FAAH2: variants seen among roughly 807,000 people sequenced by gnomAD.
The protein encoded by FAAH2 is fatty acid amide hydrolase 2, also known as fatty-acid amide hydrolase 2.
In FAAH2, 60 loss-of-function variants were observed where a neutral mutation model predicts 36.9. The observed-to-expected ratio is 1.63, with a 90% confidence interval of 1.32 to 2.02. FAAH2 has a LOEUF of 2.02. FAAH2 is among the 30% of genes most tolerant of loss of function. The pLI, the probability that FAAH2 is intolerant of heterozygous loss-of-function variation, is 0.00. For missense variants in FAAH2, 689 were observed against 397.5 expected (o/e 1.73, Z -6.23); for synonymous variants, 214 against 143.8 (o/e 1.49, Z -3.49).
chrX:57,315,678 G>A (rs1188167566), intron 3 of FAAH2, among the ~76,000 whole-genome samples: 2 of 111,684 alleles, frequency 1.8e-5, no homozygotes, highest in Admixed American at 9.6e-5. Context: ...CTCAATAGAT[G>A]CAGAAAAATA....
intron 1 of FAAH2, among the ~76,000 whole-genome samples, chrX:57,288,223 G>T (rs756776937): frequency 1.8e-5 from 2 of 109,863 alleles, no homozygotes; most frequent in African/African-American, 6.6e-5. Flanking sequence ...CAAGAACCTG[G>T]CACATAGAAG....
At chrX:57,248,753 C>G in the FAAH2 span, among the ~76,000 whole-genome samples, 5 of 14,498 alleles carry the variant, frequency 3.4e-4, no homozygotes, top group Non-Finnish European at 5.0e-4. Context: ...AGCTCCGTCT[C>G]AAAAAAAAAA....
the FAAH2 span, among the ~76,000 whole-genome samples, chrX:57,238,941 T>A: frequency 1.8e-5 from 2 of 112,337 alleles, no homozygotes; most frequent in Admixed American, 9.4e-5. Flanking sequence ...TCCAGTTGTA[T>A]CCATTTCACT....
At position 57,331,718 on chromosome X, in the gene FAAH2, A is replaced by T. The variant is rs759597487; in HGVS notation, c.533A>T (p.Glu178Val). The change falls in exon 4 of 11, where the codon GAG (glutamate) becomes GTG (valine). Residue 178 changes from glutamate (E) to valine (V), a missense_variant. Glu to Val is a moderately radical substitution (Grantham distance 121). Coordinates refer to ENST00000374900, the MANE Select transcript of FAAH2 (RefSeq NM_174912.4). ...AIPLGITNCSELCMWYESSNK... is the reference protein window; with the variant it reads ...AIPLGITNCSVLCMWYESSNK... ...CCTCTTGGCATAACCAACTGTAGTG[A>T]GTTGTGTATGTGGTATGAATCCAGT... 11 of 1,211,240 alleles carry T rather than the reference A, an allele frequency of 9.1e-6. No homozygotes were observed. The Admixed American group carries it at 2.2e-4, about 24-fold the overall frequency.
chrX:57,443,464 C>T (rs1033087189), intron 8 of FAAH2, among the ~76,000 whole-genome samples: 2 of 111,767 alleles, frequency 1.8e-5, no homozygotes, highest in African/African-American at 6.5e-5. Flanking sequence ...TCCATGAGGT[C>T]ATTTAGGGAC....
At chrX:57,210,907 T>A in the FAAH2 span, among the ~76,000 whole-genome samples, 2 of 112,813 alleles carry the variant, frequency 1.8e-5, no homozygotes, top group Non-Finnish European at 3.7e-5. Context: ...CAAGTATGCA[T>A]GCTAAATAGT....
At chrX:57,358,937 C>T (rs2054225220) in intron 5 of FAAH2, among the ~76,000 whole-genome samples, 1 of 110,759 alleles carries the variant, frequency 9.0e-6, no homozygotes, top group Admixed American at 9.6e-5. Flanking sequence ...TTATGGGGTA[C>T]ATGAGATATT....
chrX:57,212,700 C>G, the FAAH2 span, among the ~76,000 whole-genome samples: 1 of 111,828 alleles, frequency 8.9e-6, no homozygotes, highest in Admixed American at 9.5e-5. Context: ...AATTCAAAAG[C>G]CTTTGAAAAA....
the FAAH2 span, among the ~76,000 whole-genome samples, chrX:57,205,249 A>G: frequency 2.7e-5 from 3 of 112,744 alleles, no homozygotes; most frequent in East Asian, 8.3e-4. Context: ...TTTCCAGGTA[A>G]TGCTGTATCT....
chrX:57,142,979 T>G, the FAAH2 span, among the ~76,000 whole-genome samples: 2 of 111,587 alleles, frequency 1.8e-5, no homozygotes, highest in South Asian at 3.7e-4. Flanking sequence ...ATTCTTTAAT[T>G]TTAGGTCTGT....
chrX:57,144,626 C>A, the FAAH2 span, among the ~76,000 whole-genome samples: 2 of 109,919 alleles, frequency 1.8e-5, no homozygotes, highest in African/African-American at 3.3e-5. Context: ...ATCACCCGAG[C>A]AGTTTACACT....
At chrX:57,258,346 G>A in the FAAH2 span, among the ~76,000 whole-genome samples, 2 of 110,959 alleles carry the variant, frequency 1.8e-5, no homozygotes, top group Admixed American at 1.9e-4. Flanking sequence ...TCTTAGAGAA[G>A]AAAATATAAG....
At chrX:57,405,221 C>T (rs1458106855) in intron 7 of FAAH2, among the ~76,000 whole-genome samples, 1 of 111,418 alleles carries the variant, frequency 9.0e-6, no homozygotes, top group Non-Finnish European at 1.9e-5. Flanking sequence ...ATCCTTGCTC[C>T]CAGAGCTCCC....
the FAAH2 span, among the ~76,000 whole-genome samples, chrX:57,203,107 G>A: frequency 2.7e-5 from 3 of 112,120 alleles, no homozygotes; most frequent in Non-Finnish European, 3.8e-5. Flanking sequence ...TGTGGGGTAG[G>A]AAATCAGGGG....
At chrX:57,220,710 C>T in the FAAH2 span, among the ~76,000 whole-genome samples, 7,980 of 111,883 alleles carry the variant, frequency 0.071, 702 homozygotes, top group African/African-American at 0.25. Context: ...CTCCACCTGG[C>T]GCCTATTTCA....
the FAAH2 span, among the ~76,000 whole-genome samples, chrX:57,279,174 T>C: frequency 3.6e-5 from 4 of 112,547 alleles, no homozygotes; most frequent in Admixed American, 1.9e-4. Flanking sequence ...TGTGGCACTA[T>C]TCACAATAGC....
At chrX:57,173,749 G>T in the FAAH2 span, among the ~76,000 whole-genome samples, 1 of 111,522 alleles carries the variant, frequency 9.0e-6, no homozygotes, top group Non-Finnish European at 1.9e-5. Flanking sequence ...TTCTTATATG[G>T]CTAGTTTGTT....
intron 5 of FAAH2, among the ~76,000 whole-genome samples, chrX:57,374,769 G>T (rs909147821): frequency 1.8e-5 from 2 of 111,132 alleles, no homozygotes; most frequent in Admixed American, 9.6e-5. Context: ...GTGAGAGTGG[G>T]CATCCTTGTC....
intron 7 of FAAH2, among the ~76,000 whole-genome samples, chrX:57,429,586 T>C (rs2056246052): frequency 9.0e-6 from 1 of 111,714 alleles, no homozygotes; most frequent in Non-Finnish European, 1.9e-5. Flanking sequence ...TTAGTAGAAA[T>C]ATTAATGAAT....
Sources: allele counts gnomAD v4.1 joint callset (sites outside exome capture counted in the v4.1 genomes callset), GRCh38; gene constraint gnomAD v4.1.1; transcripts MANE v1.5; gene names NCBI Gene and HGNC (gene_info 2026-07-23, HGNC 2026-07-21).